The following WASL variants were observed in gnomAD, a reference collection of about 807,000 sequenced individuals.
The protein encoded by WASL is actin nucleation-promoting factor WASL.
In WASL, 20 loss-of-function variants were observed where a neutral mutation model predicts 55.5. The ratio of observed to expected loss-of-function variants is 0.36; its 90% confidence interval spans 0.25 to 0.52. The LOEUF (loss-of-function observed/expected upper bound fraction) is 0.52, where lower values mean the gene tolerates loss of function less well. WASL is among the 20% of genes least tolerant of loss of function. The pLI is 0.92. For synonymous variants in WASL, 249 were observed against 217.6 expected (o/e 1.14, Z -1.27); for missense variants, 504 against 622.5 (o/e 0.81, Z 2.03).
rs1417539627 is a variant in WASL at position 123,682,192 on chromosome 7, G to A, written c.*2327C>T. On this transcript the variant is annotated 3_prime_UTR_variant, in exon 11 of 11. Transcript: ENST00000223023. ...TTGTTAAATGCAAAGGCTACCAGAC[G>A]ACCATTTAGCTGGAGAATATACGGA... 2 of 152,064 alleles carry A rather than the reference G, an allele frequency of 1.3e-5. No homozygotes were observed. Among genetic ancestry groups the A allele is most frequent in the Non-Finnish European group, 2.9e-5 (2 of 68,010 alleles). The allele number at this position is 152,064 out of a possible 1,614,324, so 9.4% of individuals were successfully genotyped here.
intron 5 of WASL, among the ~76,000 whole-genome samples, chr7:123,700,175 C>CAAAAAAAAAAAAAAAA (rs1168168286): frequency 2.1e-5 from 1 of 47,320 alleles, no homozygotes; most frequent in Non-Finnish European, 3.9e-5. Flanking sequence ...AACTCCGTCT[C>CAAAAAAAAAAAAAAAA]AAAAAAAAAA....
In WASL at chr7:123,689,006, GTCTCTCTCTCTCTCTCTC is replaced by G. The variant is rs3035629; in HGVS notation, c.1456+18_1456+35del. 1.1e-5 allele frequency: 14 copies of G among 1,277,852 alleles called. No homozygotes were observed. In the African/African-American group the frequency reaches 1.4e-4, roughly 13 times the overall value. 79.2% of individuals were successfully genotyped at this position (1,277,852 alleles called of 1,614,324 possible). A position where few individuals can be genotyped will look rare whatever the true frequency, so the allele number is the denominator to read the frequency against. On this transcript the variant is annotated intron_variant, in intron 10 of 10. Transcript: ENST00000223023. The stretch of plus-strand genomic sequence containing the variant: ...TTAAACACACACGCACACTCTCTCT[GTCTCTCTCTCTCTCTCTC>G]TCTCTCTCTCTCTCTACCTGAAGAA...
intron 5 of WASL, among the ~76,000 whole-genome samples, chr7:123,704,038 TTTTACTCTCTGGTATTCAATG>T (rs2116784068): frequency 1.3e-5 from 2 of 152,290 alleles, no homozygotes; most frequent in South Asian, 4.1e-4. Context: ...GGTATTCTGC[TTTTACTCTCTGGTATTCAATG>T]TTTTTTAAAA....
intron 1 of WASL, among the ~76,000 whole-genome samples, chr7:123,737,397 A>G (rs1804252941): frequency 6.6e-6 from 1 of 152,068 alleles, no homozygotes; most frequent in South Asian, 2.1e-4. Flanking sequence ...AGAGATCAAG[A>G]CCATCCTGGC....
chr7:123,693,888 T>G (rs537323895), intron 8 of WASL, among the ~76,000 whole-genome samples: 1 of 152,250 alleles, frequency 6.6e-6, no homozygotes, highest in African/African-American at 2.4e-5. Flanking sequence ...ATCCTTTACA[T>G]CTAAATATCC....
rs573176166 is a variant in WASL, at chr7:123,686,570, C to T, written c.1457-1990G>A. 1.0e-3 allele frequency among the ~76,000 whole-genome samples: 154 copies of T among 152,060 alleles called. 1 individual carries two copies. In the Middle Eastern group the frequency reaches 0.014, roughly 13 times the overall value. Reference sequence around the variant, plus strand: ...TTTCATTATATTAGCGTGACTATTACATACTATTAAAAAAAAACTTATTGT... The same window carrying T: ...TTTCATTATATTAGCGTGACTATTATATACTATTAAAAAAAAACTTATTGT... On this transcript the variant is annotated intron_variant, in intron 10 of 10. Transcript: ENST00000223023.
At chr7:123,728,548 A>G (rs1015921970) in intron 1 of WASL, among the ~76,000 whole-genome samples, 2 of 152,162 alleles carry the variant, frequency 1.3e-5, no homozygotes, top group Admixed American at 6.5e-5. Flanking sequence ...GGTCCAATAA[A>G]ACATTAATGT....
chr7:123,740,351 T>A (rs2052128), intron 1 of WASL, among the ~76,000 whole-genome samples: 69,426 of 151,886 alleles, frequency 0.46, 16,129 homozygotes, highest in South Asian at 0.67. Flanking sequence ...TTAACTCCTA[T>A]GAGAAAATAA....
At chr7:123,692,914 A>T in intron 8 of WASL, 47 bp from the exon 9 acceptor site, 1 of 1,336,314 alleles carries the variant, frequency 7.5e-7, no homozygotes, top group Non-Finnish European at 9.6e-7. Flanking sequence ...TTCTTCTCAT[A>T]AACATCATAT....
intron 1 of WASL, among the ~76,000 whole-genome samples, chr7:123,728,903 C>G (rs896209829): frequency 7.9e-5 from 12 of 152,086 alleles, no homozygotes; most frequent in African/African-American, 2.7e-4. Flanking sequence ...AAAAACAAAC[C>G]ATTAATGTCT....
intron 1 of WASL, 26 bp from the exon 2 acceptor site, chr7:123,709,249 T>C (rs1193460537): frequency 6.3e-7 from 1 of 1,590,984 alleles, no homozygotes; most frequent in Non-Finnish European, 8.6e-7. Context: ...TTTATAACCA[T>C]TAGGTTCAAA....
At position 123,683,241 on chromosome 7, in the gene WASL, T is replaced by C. The variant is rs1162536756; in HGVS notation, c.*1278A>G. 6.6e-6 allele frequency: 1 copy of C among 152,122 alleles called. No individual in the cohort carries two copies. The highest frequency in any genetic ancestry group is 1.5e-5 in the Non-Finnish European group (1 of 67,980). The allele number at this position is 152,122 out of a possible 1,614,324, so 9.4% of individuals were successfully genotyped here. A position where few individuals can be genotyped will look rare whatever the true frequency, so the allele number is the denominator to read the frequency against. On this transcript the variant is annotated 3_prime_UTR_variant, in exon 11 of 11. Coordinates refer to ENST00000223023, the MANE Select transcript of WASL (RefSeq NM_003941.4). ...ACCTAAAATTTAAAGTAGGTAGGTA[T>C]GATAATTAGCATTATAAATATGAAA... is the stretch of plus-strand genomic sequence containing the variant.
chr7:123,725,368 G>GT lies in WASL; in HGVS notation c.118-16146dup, dbSNP rs201362579. On this transcript the variant is annotated intron_variant, in intron 1 of 10. Coordinates refer to ENST00000223023, the MANE Select transcript of WASL (RefSeq NM_003941.4). ...TTTAAACTCAAGATGCTAATAATCTGTTTTTTTTAAAAAAGGAGGGATATA... is the reference window on the plus strand; with the variant it reads ...TTTAAACTCAAGATGCTAATAATCTGTTTTTTTTTAAAAAAGGAGGGATATA... 5.8e-4 allele frequency among the ~76,000 whole-genome samples: 88 copies of GT among 151,790 alleles called. 1 individual carries two copies. The East Asian group carries it at 0.015, about 26-fold the overall frequency.
Position 123,710,722 on chromosome 7 carries a change from TATG to T in WASL, c.118-1502_118-1500del, listed in dbSNP as rs576561980. Reference sequence around the variant, plus strand: ...AATTTCTGCAAGAGTCAATAAAAATTATGATAACTTAAAAACAAAAAATGTGTA... The same window carrying T: ...AATTTCTGCAAGAGTCAATAAAAATTATAACTTAAAAACAAAAAATGTGTA... On this transcript the variant is annotated intron_variant, in intron 1 of 10. Transcript: ENST00000223023. Among the ~76,000 whole-genome samples the T allele has an allele frequency of 2.6e-4, 40 of 152,170 alleles. 1 individual carries two copies. In the East Asian group the frequency reaches 7.7e-3, roughly 29 times the overall value.
rs372284645 is a variant in WASL, at chr7:123,748,781, G to C, written c.-47C>G. ...AGTCCAGGGCCGTCTCCTCCGGCGAGTGGGCGAGAGCTCGTTCCCCCTCTC... is the reference window on the plus strand; with the variant it reads ...AGTCCAGGGCCGTCTCCTCCGGCGACTGGGCGAGAGCTCGTTCCCCCTCTC... On this transcript the variant is annotated 5_prime_UTR_variant, in exon 1 of 11. Coordinates refer to ENST00000223023, the MANE Select transcript of WASL (RefSeq NM_003941.4). 2.7e-6 allele frequency: 4 copies of C among 1,460,166 alleles called. No individual in the cohort carries two copies. In the African/African-American group the frequency reaches 4.4e-5, roughly 16 times the overall value. 90.5% of individuals were successfully genotyped at this position (1,460,166 alleles called of 1,614,324 possible).
At chr7:123,695,982 T>C in intron 6 of WASL, 117 bp from the exon 7 acceptor site, 2 of 842,452 alleles carry the variant, frequency 2.4e-6, no homozygotes, top group South Asian at 3.1e-5. Context: ...GAACTAACAG[T>C]TCTCACAGAC....
chr7:123,740,753 T>C (rs766114442), intron 1 of WASL, among the ~76,000 whole-genome samples: 9 of 152,010 alleles, frequency 5.9e-5, no homozygotes, highest in Non-Finnish European at 1.2e-4. Flanking sequence ...GGGCCACCAC[T>C]ACCAGCTACT....
At chr7:123,694,935 C>T in intron 7 of WASL, 67 bp from the exon 8 acceptor site, 1 of 1,487,104 alleles carries the variant, frequency 6.7e-7, no homozygotes, top group African/African-American at 1.4e-5. Flanking sequence ...TTTTAAGTCT[C>T]ATCTGTGTCC....
intron 1 of WASL, among the ~76,000 whole-genome samples, chr7:123,741,730 A>G (rs12706552): frequency 2.0e-5 from 3 of 152,164 alleles, no homozygotes; most frequent in African/African-American, 4.8e-5. Context: ...TTTCCTTAGG[A>G]AAGTTTTGCT....
Sources: allele counts gnomAD v4.1 joint callset (sites outside exome capture counted in the v4.1 genomes callset), GRCh38; gene constraint gnomAD v4.1.1; transcripts MANE v1.5; gene names NCBI Gene and HGNC (gene_info 2026-07-23, HGNC 2026-07-21).